The following NCKAP5 variants were observed in gnomAD, a reference collection of about 807,000 sequenced individuals.
NCKAP5 encodes NCK associated protein 5, also known as nck-associated protein 5.
In NCKAP5, 92 loss-of-function variants were observed where a neutral mutation model predicts 167.0. The ratio of observed to expected loss-of-function variants is 0.55; its 90% CI spans 0.47 to 0.66. The LOEUF (loss-of-function observed/expected upper bound fraction) is 0.66. Among genes scored for constraint, NCKAP5 ranks in the 30% least tolerant of loss-of-function variants. NCKAP5 has a pLI of 0.00. For missense variants in NCKAP5, 2,378 were observed against 2,315.0 expected, an observed-to-expected ratio of 1.03 and a Z score of -0.56; for synonymous variants, 891 against 877.4, an observed-to-expected ratio of 1.02 and a Z score of -0.27.
At chr2:132,897,694 C>T (rs924259479) in intron 8 of NCKAP5, among the ~76,000 whole-genome samples, 14 of 152,106 alleles carry the variant, frequency 9.2e-5, no homozygotes, top group East Asian at 1.9e-4. Flanking sequence ...GCAAGTCACA[C>T]GAATTTTTTA....
At chr2:133,065,422 C>T (rs796776136) in intron 6 of NCKAP5, among the ~76,000 whole-genome samples, 1 of 152,036 alleles carries the variant, frequency 6.6e-6, no homozygotes, top group African/African-American at 2.4e-5. Flanking sequence ...GTCAACAGAT[C>T]AAGACCATCC....
intron 16 of NCKAP5, among the ~76,000 whole-genome samples, chr2:132,751,795 C>T (rs535878194): frequency 1.5e-3 from 224 of 152,274 alleles, no homozygotes; most frequent in Non-Finnish European, 2.6e-3. Context: ...TTTTTCACAC[C>T]GTGCATAGTG....
chr2:133,079,641 A>G (rs1183910126), intron 6 of NCKAP5, among the ~76,000 whole-genome samples: 1 of 152,184 alleles, frequency 6.6e-6, no homozygotes, highest in Non-Finnish European at 1.5e-5. Flanking sequence ...AAGCAAAAGG[A>G]TGAGGAAGAT....
chr2:133,466,806 CTGTT>C (rs774718284), intron 3 of NCKAP5, among the ~76,000 whole-genome samples: 1,896 of 151,958 alleles, frequency 0.012, 16 homozygotes, highest in Non-Finnish European at 0.019. Flanking sequence ...ATTTGGCTCT[CTGTT>C]TGTCTGTTGT....
At chr2:133,243,875 G>A (rs1335149491) in intron 4 of NCKAP5, among the ~76,000 whole-genome samples, 1 of 152,172 alleles carries the variant, frequency 6.6e-6, no homozygotes, top group Non-Finnish European at 1.5e-5. Context: ...CTTGTAACGT[G>A]TTTTTCTTTT....
At chr2:133,236,243 C>T (rs2087415058) in intron 4 of NCKAP5, among the ~76,000 whole-genome samples, 1 of 152,006 alleles carries the variant, frequency 6.6e-6, no homozygotes, top group South Asian at 2.1e-4. Flanking sequence ...ACATAAAACA[C>T]CATAAGGTTA....
At chr2:133,480,263 G>C (rs758631402) in intron 3 of NCKAP5, among the ~76,000 whole-genome samples, 1 of 152,098 alleles carries the variant, frequency 6.6e-6, no homozygotes, top group Non-Finnish European at 1.5e-5. Context: ...AATAGAGGAT[G>C]GTAGGGGGAA....
intron 6 of NCKAP5, among the ~76,000 whole-genome samples, chr2:133,113,001 T>A (rs1174475951): frequency 6.6e-6 from 1 of 152,204 alleles, no homozygotes; most frequent in Non-Finnish European, 1.5e-5. Context: ...AGGGCAGTTC[T>A]CCTTGCTGAA....
intron 4 of NCKAP5, among the ~76,000 whole-genome samples, chr2:133,252,546 C>T (rs886765228): frequency 1.3e-5 from 2 of 152,182 alleles, no homozygotes. Context: ...GAGGTCTTTG[C>T]GTACAGTAAT....
chr2:133,365,909 G>C (rs1685429195), intron 3 of NCKAP5, among the ~76,000 whole-genome samples: 1 of 152,194 alleles, frequency 6.6e-6, no homozygotes, highest in South Asian at 2.1e-4. Context: ...AAGCAGCCAT[G>C]GTGTACCTGC....
intron 3 of NCKAP5, among the ~76,000 whole-genome samples, chr2:133,356,719 C>T (rs754744611): frequency 3.3e-5 from 5 of 152,186 alleles, no homozygotes; most frequent in Admixed American, 6.5e-5. Context: ...GTCATTCACT[C>T]AGGAGTTAAA....
At chr2:133,171,417 G>A (rs889006812) in intron 5 of NCKAP5, among the ~76,000 whole-genome samples, 3 of 152,082 alleles carry the variant, frequency 2.0e-5, no homozygotes, top group African/African-American at 7.2e-5. Context: ...CTTTATTACA[G>A]GGCTGAATGC....
chr2:132,971,048 T>C (rs1015021968), intron 7 of NCKAP5, among the ~76,000 whole-genome samples: 1 of 152,234 alleles, frequency 6.6e-6, no homozygotes, highest in African/African-American at 2.4e-5. Context: ...AGTTCCTACA[T>C]GCTAGGCGCT....
chr2:133,606,723 C>T, the NCKAP5 span, among the ~76,000 whole-genome samples: 1 of 105,360 alleles, frequency 9.5e-6, no homozygotes, highest in Non-Finnish European at 1.9e-5. Context: ...AAGCTGGTTG[C>T]AGAAATGGAA....
At chr2:133,603,873 G>C in the NCKAP5 span, among the ~76,000 whole-genome samples, 1 of 152,234 alleles carries the variant, frequency 6.6e-6, no homozygotes. Flanking sequence ...GGTTTCTCCA[G>C]CATCTTGTTC....
rs769346662 is a variant in NCKAP5, at chr2:132,731,897, A to C, written c.5283T>G (p.Val1761=). 1.9e-6 allele frequency: 3 copies of C among 1,613,898 alleles called. No individual in the cohort carries two copies. The Admixed American group carries it at 5.0e-5, about 27-fold the overall frequency. ...LLPLQSALSA[V]SSMRAQTLER... ...CAAGGGTTTGGGCTCTCATGGAAGA[A>C]ACTGCAGAAAGGGCTGACTGGAGAG... Residue 1761 remains valine (V), a synonymous_variant, in exon 17 of 20, where the codon GTT becomes GTG. Coordinates refer to ENST00000409261, the MANE Select transcript of NCKAP5 (RefSeq NM_207363.3).
chr2:133,110,114 A>G (rs1442328446), intron 6 of NCKAP5, among the ~76,000 whole-genome samples: 1 of 152,166 alleles, frequency 6.6e-6, no homozygotes, highest in East Asian at 1.9e-4. Flanking sequence ...TATGTCTATA[A>G]GCCAGTCTAA....
At chr2:133,585,384 T>A in the NCKAP5 span, among the ~76,000 whole-genome samples, 3 of 152,244 alleles carry the variant, frequency 2.0e-5, no homozygotes, top group African/African-American at 7.2e-5. Context: ...CACAGTCACT[T>A]AATGACACAG....
chr2:132,876,461 A>G (rs560998499), intron 9 of NCKAP5, among the ~76,000 whole-genome samples: 38 of 152,342 alleles, frequency 2.5e-4, no homozygotes, highest in African/African-American at 9.1e-4. Context: ...CTAGCAAGGA[A>G]AAAACTTACA....
Sources: allele counts gnomAD v4.1 joint callset (sites outside exome capture counted in the v4.1 genomes callset), GRCh38; gene constraint gnomAD v4.1.1; transcripts MANE v1.5; gene names NCBI Gene and HGNC (gene_info 2026-07-23, HGNC 2026-07-21).